Variants in PUS3 observed in about 807,000 individuals in gnomAD.
The protein encoded by PUS3 is tRNA pseudouridine(38/39) synthase.
In PUS3, 36 loss-of-function variants were observed where a neutral mutation model predicts 43.3. The ratio of observed to expected loss-of-function variants is 0.83; its 90% CI spans 0.64 to 1.10. The LOEUF is 1.10. Ranked by LOEUF, PUS3 falls within the 50% of genes least tolerant of loss-of-function variation. The pLI is 0.00. For missense variants in PUS3, 544 were observed against 589.9 expected, an observed-to-expected ratio of 0.92 and a Z score of 0.81; for synonymous variants, 183 against 199.2, an observed-to-expected ratio of 0.92 and a Z score of 0.69.
In PUS3 at chr11:125,899,842, T is replaced by C. The variant is rs371089704; in HGVS notation, c.-47+3328A>G. 4 of 1,614,184 alleles carry C rather than the reference T, an allele frequency of 2.5e-6. No homozygotes were observed. Among genetic ancestry groups the C allele is most frequent in the Non-Finnish European group, 3.4e-6 (4 of 1,180,030 alleles). On this transcript the variant is annotated intron_variant, in intron 1 of 3. Transcript: ENST00000227474. Reference sequence around the variant, plus strand: ...TTTCACAAAAATTTAACCTACCACATGAATACCAAGGAATTTCTCAAGATC... The same window carrying C: ...TTTCACAAAAATTTAACCTACCACACGAATACCAAGGAATTTCTCAAGATC...
At chr11:125,902,674 T>C (rs1329782510) in intron 1 of PUS3, among the ~76,000 whole-genome samples, 2 of 150,414 alleles carry the variant, frequency 1.3e-5, no homozygotes, top group Non-Finnish European at 3.0e-5. Context: ...CTTGATAAAC[T>C]TTATATTAAT....
chr11:125,896,886 G>T (rs1944607380), intron 1 of PUS3, among the ~76,000 whole-genome samples: 1 of 152,172 alleles, frequency 6.6e-6, no homozygotes, highest in African/African-American at 2.4e-5. Flanking sequence ...CACATTGGAA[G>T]TAGAAGCTAG....
chr11:125,896,103 C>T lies in PUS3; in HGVS notation c.182G>A (p.Gly61Asp). 1 of 1,614,220 alleles carries T rather than the reference C, an allele frequency of 6.2e-7. No individual in the cohort carries two copies. Among genetic ancestry groups the T allele is most frequent in the Non-Finnish European group, 8.5e-7 (1 of 1,180,046 alleles). Residue 61 changes from glycine to aspartate, a missense_variant, in exon 2 of 4, where the codon GGC becomes GAC. Coordinates refer to ENST00000227474, the MANE Select transcript of PUS3 (RefSeq NM_031307.4). ...TATTCTTAGGGCTACGTGTCTTCGG[C>T]CATGAGCACTGAAATCAAATGCACG... is the stretch of plus-strand genomic sequence containing the variant. Reference protein sequence around the residue: ...TKRAFDFSAHGRRHVALRIAY... With the variant: ...TKRAFDFSAHDRRHVALRIAY...
In PUS3 at chr11:125,903,198, C is replaced by G; in HGVS notation, c.-75G>C. The G allele has an allele frequency of 1.0e-6, 1 of 985,484 alleles. No homozygotes were observed. Among genetic ancestry groups the G allele is most frequent in the Non-Finnish European group, 1.2e-6 (1 of 829,952 alleles). The allele number at this position is 985,484 out of a possible 1,614,324, so 61.0% of individuals were successfully genotyped here. On this transcript the variant is annotated 5_prime_UTR_variant, in exon 1 of 4. Coordinates refer to ENST00000227474, the MANE Select transcript of PUS3 (RefSeq NM_031307.4). Reference sequence around the variant, plus strand: ...CCGGCAGCCGGCCGCGCCGCGTTTCCGAGAAAGGAAGCTGTCACTGTGCGT... The same window carrying G: ...CCGGCAGCCGGCCGCGCCGCGTTTCGGAGAAAGGAAGCTGTCACTGTGCGT...
chr11:125,900,872 AGGTGGCGG>A (rs1299268942), intron 1 of PUS3: 1 of 152,752 alleles, frequency 6.5e-6, no homozygotes, highest in African/African-American at 2.4e-5. Context: ...TAGCCGGGCG[AGGTGGCGG>A]GCGCCTGTAG....
intron 1 of PUS3, among the ~76,000 whole-genome samples, chr11:125,901,008 C>CAAA (rs10533810): frequency 4.8e-5 from 6 of 125,650 alleles, no homozygotes; most frequent in South Asian, 2.6e-4. Flanking sequence ...GACTCCGTCT[C>CAAA]AAAAAAAAAA....
Position 125,895,904 on chromosome 11 carries a change from T to C in PUS3, c.378+3A>G, listed in dbSNP as rs1489547824. 1.9e-5 allele frequency: 30 copies of C among 1,611,374 alleles called. No individual in the cohort carries two copies. The highest frequency in any genetic ancestry group is 2.5e-5 in the Non-Finnish European group (29 of 1,179,734). ...CTTTGAGAAACAGTGTATTGGCCCT[T>C]ACCTGTCCAAAGGCACTAACTCCTT... On this transcript the variant is annotated splice_donor_region_variant and intron_variant, in intron 2 of 3. Coordinates refer to ENST00000227474, the MANE Select transcript of PUS3 (RefSeq NM_031307.4).
chr11:125,900,109 T>C (rs1322783798), intron 1 of PUS3: 1 of 1,614,204 alleles, frequency 6.2e-7, no homozygotes. Context: ...AGATGCTTTG[T>C]CGAGCAGAAC....
rs750399781 is a variant in PUS3 at position 125,899,523 on chromosome 11, G to A, written c.-46-3193C>T. On this transcript the variant is annotated intron_variant, in intron 1 of 3. Transcript: ENST00000227474. The stretch of plus-strand genomic sequence containing the variant: ...CAATCTATCCAATATGATCCCTACA[G>A]TAAAGCTTCAGTAGCCCCAGGGAAG... 5.0e-6 allele frequency: 8 copies of A among 1,614,020 alleles called. No homozygotes were observed. In the East Asian group the frequency reaches 6.7e-5, roughly 13 times the overall value.
In PUS3 at chr11:125,896,039, C is replaced by T; in HGVS notation, c.246G>A (p.Gln82=). ...CTTCAATGGTATTATTTGTGTTTTC[C>T]TGACTAGCAAAGCCCTGGTATCCCC... ...MGWGYQGFAS[Q]ENTNNTIEEK... is the part of the protein sequence containing the mutation. The change falls in exon 2 of 4, where the codon CAG becomes CAA. Residue 82 remains glutamine, a synonymous_variant. Coordinates refer to ENST00000227474, the MANE Select transcript of PUS3 (RefSeq NM_031307.4). 1 of 1,614,162 alleles carries T rather than the reference C, an allele frequency of 6.2e-7. No homozygotes were observed. The highest frequency in any genetic ancestry group is 8.5e-7 in the Non-Finnish European group (1 of 1,180,026).
At position 125,893,988 on chromosome 11, in the gene PUS3, T is replaced by C. The variant is rs776586960; in HGVS notation, c.1243A>G (p.Met415Val). Residue 415 changes from methionine (M) to valine (V), a missense_variant, in exon 4 of 4, where the codon ATG becomes GTG. Coordinates refer to ENST00000227474, the MANE Select transcript of PUS3 (RefSeq NM_031307.4). The stretch of plus-strand genomic sequence containing the variant: ...AGTCCTTGGCATTTAGGACGGTCCA[T>C]GAGGGGCTTATATGTGCGCATCTTC... ...GVKMRTYKPL[M>V]DRPKCQGLES... 4 of 1,614,148 alleles carry C rather than the reference T, an allele frequency of 2.5e-6. No individual in the cohort carries two copies. Among genetic ancestry groups the C allele is most frequent in the Non-Finnish European group, 2.5e-6 (3 of 1,180,010 alleles).
Position 125,903,201 on chromosome 11 carries a change from G to T in PUS3, c.-78C>A. 2.0e-6 allele frequency: 2 copies of T among 985,490 alleles called. No homozygotes were observed. Among genetic ancestry groups the T allele is most frequent in the South Asian group, 9.4e-5 (2 of 21,294 alleles). The allele number at this position is 985,490 out of a possible 1,614,324, so 61.0% of individuals were successfully genotyped here. On this transcript the variant is annotated 5_prime_UTR_variant, in exon 1 of 4. Transcript: ENST00000227474. ...GCAGCCGGCCGCGCCGCGTTTCCGAGAAAGGAAGCTGTCACTGTGCGTCTT... is the reference window on the plus strand; with the variant it reads ...GCAGCCGGCCGCGCCGCGTTTCCGATAAAGGAAGCTGTCACTGTGCGTCTT...
chr11:125,899,369 A>G (rs1944687443), intron 1 of PUS3: 1 of 1,614,018 alleles, frequency 6.2e-7, no homozygotes, highest in Non-Finnish European at 8.5e-7. Context: ...AGGGGAAGCA[A>G]TGGAAGAACT....
At chr11:125,901,434 T>C (rs1944770776) in intron 1 of PUS3, among the ~76,000 whole-genome samples, 1 of 152,198 alleles carries the variant, frequency 6.6e-6, no homozygotes, top group Non-Finnish European at 1.5e-5. Context: ...TAAATTGTAA[T>C]TTATCTGTTC....
chr11:125,895,157 G>T, intron 3 of PUS3, 67 bp downstream of exon 3: 1 of 1,312,254 alleles, frequency 7.6e-7, no homozygotes, highest in South Asian at 1.5e-5. Flanking sequence ...AGCAATTCTT[G>T]TGCCTCAAGC....
chr11:125,902,722 G>A (rs1944813371), intron 1 of PUS3, among the ~76,000 whole-genome samples: 1 of 151,948 alleles, frequency 6.6e-6, no homozygotes, highest in African/African-American at 2.4e-5. Flanking sequence ...CAAAGGATTA[G>A]CAGACACGCA....
rs759153895 is a variant in PUS3, at chr11:125,899,383, A to G, written c.-46-3053T>C. 12 of 1,613,972 alleles carry G rather than the reference A, an allele frequency of 7.4e-6. No individual in the cohort carries two copies. The highest frequency in any genetic ancestry group is 3.3e-5 in the South Asian group (3 of 91,074). ...TAGGGGAAGCAATGGAAGAACTTCT[A>G]CCTGATGGACAAATATGGGCTAATA... is the stretch of plus-strand genomic sequence containing the variant. On this transcript the variant is annotated intron_variant, in intron 1 of 3. Coordinates refer to ENST00000227474, the MANE Select transcript of PUS3 (RefSeq NM_031307.4).
intron 3 of PUS3, 51 bp from the exon 4 acceptor site, chr11:125,894,337 A>G (rs1944510048): frequency 6.8e-7 from 1 of 1,466,066 alleles, no homozygotes; most frequent in East Asian, 2.3e-5. Context: ...TCCATCTAAC[A>G]GTTCTTTAAA....
chr11:125,901,231 C>T (rs985543241), intron 1 of PUS3, among the ~76,000 whole-genome samples: 51 of 152,162 alleles, frequency 3.4e-4, no homozygotes, highest in Admixed American at 1.4e-3. Flanking sequence ...TGCCTGCCAG[C>T]TGTTATTTCT....
Sources: gnomAD v4.1 joint callset for allele counts (sites outside exome capture counted in the v4.1 genomes callset) on GRCh38, gnomAD v4.1.1 for gene constraint, MANE v1.5 for transcripts, NCBI Gene and HGNC (gene_info 2026-07-23, HGNC 2026-07-21) for gene names.